The following HIVEP3 variants were observed in gnomAD, a reference collection of about 807,000 sequenced individuals.
The protein encoded by HIVEP3 is HIVEP zinc finger 3.
HIVEP3 carries 49 observed loss-of-function variants against 152.8 expected under a neutral mutation model. The ratio of observed to expected loss-of-function variants is 0.32; its 90% CI spans 0.26 to 0.41. HIVEP3 has a LOEUF of 0.41. Ranked by LOEUF, HIVEP3 falls within the 10% of genes least tolerant of loss-of-function variation. The pLI, the probability that HIVEP3 is intolerant of heterozygous loss-of-function variation, is 1.00. For synonymous variants in HIVEP3, 1,269 were observed against 1,289.0 expected (o/e 0.98, Z 0.33); for missense variants, 2,790 against 3,103.3 (o/e 0.90, Z 2.40).
At chr1:41,670,721 G>C (rs1645862603) in intron 2 of HIVEP3, among the ~76,000 whole-genome samples, 1 of 152,210 alleles carries the variant, frequency 6.6e-6, no homozygotes, top group Non-Finnish European at 1.5e-5. Context: ...GCCTCATTGA[G>C]AAGGTGGCAT....
At chr1:41,544,650 A>ATCACCG (rs1643621880) in intron 5 of HIVEP3, among the ~76,000 whole-genome samples, 32 of 147,386 alleles carry the variant, frequency 2.2e-4, no homozygotes, top group African/African-American at 7.1e-4. Context: ...CACCACCACC[A>ATCACCG]CTACCACCAC....
chr1:41,534,749 C>T (rs115522816), intron 5 of HIVEP3, among the ~76,000 whole-genome samples: 2,632 of 152,310 alleles, frequency 0.017, 94 homozygotes, highest in African/African-American at 0.06. Context: ...GACTTTCCCA[C>T]TCCAGGAGTT....
At chr1:41,996,663 T>C (rs1645397696) in intron 1 of HIVEP3, among the ~76,000 whole-genome samples, 1 of 152,174 alleles carries the variant, frequency 6.6e-6, no homozygotes, top group African/African-American at 2.4e-5. Context: ...TTTCCTGACT[T>C]AGCCCTGTGT....
At chr1:41,625,396 C>T (rs898804252) in intron 3 of HIVEP3, among the ~76,000 whole-genome samples, 4 of 152,112 alleles carry the variant, frequency 2.6e-5, no homozygotes, top group South Asian at 2.1e-4. Flanking sequence ...ATTTAAAAAA[C>T]GGTGTGGCTA....
Position 41,581,390 on chromosome 1 carries a change from C to A in HIVEP3, c.3408G>T (p.Lys1136Asn). ...HPVAQTPLHEKPYLPPPVSLF... is the reference protein window; with the variant it reads ...HPVAQTPLHENPYLPPPVSLF... ...GGGAGACTGGTGGGGGCAGGTATGG[C>A]TTCTCATGCAGGGGTGTCTGGGCAA... is the stretch of plus-strand genomic sequence containing the variant. The change falls in exon 4 of 9, where the codon AAG becomes AAT. Residue 1136 changes from lysine (K) to asparagine (N), a missense_variant. Lys to Asn is a moderately conservative substitution (Grantham distance 94). Coordinates refer to ENST00000372583, the MANE Select transcript of HIVEP3 (RefSeq NM_024503.5). This position sits in a 1 kb window ranked among gnomAD's most constrained non-coding sequence, Gnocchi z 4.5. 12 of 1,609,934 alleles carry A rather than the reference C, an allele frequency of 7.5e-6. No homozygotes were observed. Among genetic ancestry groups the A allele is most frequent in the Non-Finnish European group, 1.0e-5 (12 of 1,178,128 alleles).
At chr1:41,605,399 A>T (rs1346305005) in intron 3 of HIVEP3, among the ~76,000 whole-genome samples, 2 of 152,018 alleles carry the variant, frequency 1.3e-5, no homozygotes, top group East Asian at 3.9e-4. Flanking sequence ...ACACACACAC[A>T]CACACACATA....
chr1:41,820,843 T>A (rs1642574939), intron 1 of HIVEP3, among the ~76,000 whole-genome samples: 1 of 152,178 alleles, frequency 6.6e-6, no homozygotes, highest in Admixed American at 6.5e-5. Context: ...TAGCACAGAG[T>A]AGGAACTCAA....
intron 5 of HIVEP3, among the ~76,000 whole-genome samples, chr1:41,526,557 CCTCA>C (rs1642927505): frequency 8.8e-6 from 1 of 113,626 alleles, no homozygotes; most frequent in Non-Finnish European, 1.7e-5. Flanking sequence ...TCACCCTCAC[CCTCA>C]CACACCCTCA....
At chr1:41,526,773 TCACCCTAACACA>T (rs1280887217) in intron 5 of HIVEP3, among the ~76,000 whole-genome samples, 18 of 75,846 alleles carry the variant, frequency 2.4e-4, no homozygotes, top group African/African-American at 3.1e-4. Flanking sequence ...ACCCTCACAC[TCACCCTAACACA>T]CACCCTCACA....
At chr1:41,728,642 C>T (rs1028542611) in intron 1 of HIVEP3, among the ~76,000 whole-genome samples, 18 of 152,198 alleles carry the variant, frequency 1.2e-4, no homozygotes, top group Non-Finnish European at 5.9e-5. Flanking sequence ...GGAAGTGATA[C>T]GGGCATGCCA....
chr1:41,697,287 C>A (rs761710712), intron 2 of HIVEP3, among the ~76,000 whole-genome samples: 7 of 152,176 alleles, frequency 4.6e-5, no homozygotes, highest in Admixed American at 2.0e-4. Context: ...CCACCCACAG[C>A]GCACTGAGCT....
intron 2 of HIVEP3, among the ~76,000 whole-genome samples, chr1:41,671,966 C>T (rs1039416662): frequency 6.6e-6 from 1 of 152,132 alleles, no homozygotes; most frequent in Non-Finnish European, 1.5e-5. Flanking sequence ...AGTGGGGAGA[C>T]CCTGGTGGGG....
intron 1 of HIVEP3, among the ~76,000 whole-genome samples, chr1:41,777,666 G>A (rs1648793043): frequency 6.6e-6 from 1 of 152,254 alleles, no homozygotes; most frequent in Non-Finnish European, 1.5e-5. Context: ...AGTCAAGGCA[G>A]TTCATCGGTT....
chr1:41,732,754 A>G (rs963809009), intron 1 of HIVEP3, among the ~76,000 whole-genome samples: 1 of 152,136 alleles, frequency 6.6e-6, no homozygotes, highest in Admixed American at 6.5e-5. Context: ...CCCCGAGGAC[A>G]AGGCCTGCCT....
intron 2 of HIVEP3, among the ~76,000 whole-genome samples, chr1:41,674,268 C>T (rs1645920836): frequency 6.6e-6 from 1 of 152,248 alleles, no homozygotes; most frequent in African/African-American, 2.4e-5. Flanking sequence ...AGGAAGGAGG[C>T]ATCAAGGAAC....
Position 41,524,801 on chromosome 1 carries a change from T to A in HIVEP3, c.5317A>T (p.Ile1773Phe). 6.2e-7 allele frequency: 1 copy of A among 1,614,180 alleles called. No homozygotes were observed. Among genetic ancestry groups the A allele is most frequent in the Non-Finnish European group, 8.5e-7 (1 of 1,180,018 alleles). The stretch of plus-strand genomic sequence containing the variant: ...GGCCGGACGTCAGTGTGGGTGCGGA[T>A]GTGTTTCTTCAGCATGCTGGGCTTC... ...CKKPSMLKKH[I>F]RTHTDVRPYV... Residue 1773 changes from isoleucine (I) to phenylalanine (F), a missense_variant, in exon 6 of 9, where the codon ATC becomes TTC. Ile to Phe is a conservative substitution (Grantham distance 21). Transcript: ENST00000372583.
intron 1 of HIVEP3, among the ~76,000 whole-genome samples, chr1:41,773,989 A>C (rs1038734548): frequency 1.3e-5 from 2 of 152,158 alleles, no homozygotes; most frequent in African/African-American, 4.8e-5. Flanking sequence ...TAAATGTAAC[A>C]CTCTTGCCCA....
intron 1 of HIVEP3, among the ~76,000 whole-genome samples, chr1:42,014,385 G>T (rs1259594969): frequency 6.6e-6 from 1 of 152,050 alleles, no homozygotes; most frequent in Non-Finnish European, 1.5e-5. Context: ...GAAGGAGGGG[G>T]TGCAAAGCAC....
intron 5 of HIVEP3, among the ~76,000 whole-genome samples, chr1:41,569,820 A>T (rs1201038600): frequency 3.3e-5 from 5 of 152,250 alleles, no homozygotes; most frequent in African/African-American, 1.2e-4. Flanking sequence ...ACTTGGATAA[A>T]AATTAATTCA....
Sources: allele counts gnomAD v4.1 joint callset (sites outside exome capture counted in the v4.1 genomes callset), GRCh38; gene constraint gnomAD v4.1.1; non-coding constraint Gnocchi (gnomAD v3.1); transcripts MANE v1.5; gene names NCBI Gene and HGNC (gene_info 2026-07-23, HGNC 2026-07-21).